Variants in LRIG1 observed in about 807,000 individuals in gnomAD.
The protein encoded by LRIG1 is leucine-rich repeats and immunoglobulin-like domains protein 1.
In LRIG1, 48 loss-of-function variants were observed where a neutral mutation model predicts 99.2. That is an observed-to-expected ratio of 0.48 (90% confidence interval 0.38 to 0.62). LRIG1 has a LOEUF of 0.62. Ranked by LOEUF, LRIG1 falls within the 20% of genes least tolerant of loss-of-function variation. The pLI is 0.00. For synonymous variants in LRIG1, 772 were observed against 596.1 expected (o/e 1.29, Z -4.30); for missense variants, 1,646 against 1,434.4 (o/e 1.15, Z -2.38).
intron 9 of LRIG1, among the ~76,000 whole-genome samples, chr3:66,404,794 C>T (rs558772800): frequency 7.9e-5 from 12 of 152,290 alleles, no homozygotes; most frequent in South Asian, 6.2e-4. Flanking sequence ...TGGTTAATGA[C>T]GAAAGTACTG....
rs1700853091 is a variant in LRIG1 at position 66,378,883 on chromosome 3, T to C, written c.*1380A>G. On this transcript the variant is annotated 3_prime_UTR_variant, in exon 19 of 19. Coordinates refer to ENST00000273261, the MANE Select transcript of LRIG1 (RefSeq NM_015541.3). Reference sequence around the variant, plus strand: ...ATTTTACATGGTTTTCAATGTACACTGTACCAAAATTTCTATAAATAAATA... The same window carrying C: ...ATTTTACATGGTTTTCAATGTACACCGTACCAAAATTTCTATAAATAAATA... 6.5e-6 allele frequency: 1 copy of C among 152,680 alleles called. No individual in the cohort carries two copies. The highest frequency in any genetic ancestry group is 6.5e-5 in the Admixed American group (1 of 15,292). The allele number at this position is 152,680 out of a possible 1,614,324, so 9.5% of individuals were successfully genotyped here.
At chr3:66,396,056 G>A (rs1575657286) in intron 11 of LRIG1, among the ~76,000 whole-genome samples, 2 of 152,264 alleles carry the variant, frequency 1.3e-5, no homozygotes, top group South Asian at 4.1e-4. Flanking sequence ...GACACATGTA[G>A]AAAGGGCTAA....
intron 17 of LRIG1, among the ~76,000 whole-genome samples, chr3:66,381,200 G>A (rs1701038811): frequency 6.6e-6 from 1 of 152,192 alleles, no homozygotes; most frequent in Admixed American, 6.5e-5. Context: ...GTGAAAAAGT[G>A]CTGACTGAAA....
chr3:66,473,669 A>C (rs960234653), intron 1 of LRIG1, among the ~76,000 whole-genome samples: 1 of 152,340 alleles, frequency 6.6e-6, no homozygotes, highest in Middle Eastern at 3.4e-3. Context: ...AAATCAGCCA[A>C]ATTAGAAAAG....
intron 3 of LRIG1, among the ~76,000 whole-genome samples, chr3:66,427,585 C>T (rs936499752): frequency 6.6e-6 from 1 of 152,196 alleles, no homozygotes; most frequent in African/African-American, 2.4e-5. Flanking sequence ...GGACTGCTTG[C>T]GGCCAGGAGT....
intron 5 of LRIG1, among the ~76,000 whole-genome samples, chr3:66,413,551 T>C (rs1702534005): frequency 6.6e-6 from 1 of 152,084 alleles, no homozygotes; most frequent in Admixed American, 6.5e-5. Context: ...CAGGGGGAGA[T>C]GGGGTAGAGA....
chr3:66,382,908 G>T, intron 15 of LRIG1, 74 bp downstream of exon 15: 1 of 1,405,746 alleles, frequency 7.1e-7, no homozygotes. Flanking sequence ...AAAGCCACTG[G>T]AACCCGGCCC....
chr3:66,394,943 T>G (rs1174558971), intron 11 of LRIG1, among the ~76,000 whole-genome samples: 1 of 152,228 alleles, frequency 6.6e-6, no homozygotes, highest in African/African-American at 2.4e-5. Context: ...CAACTTTAGC[T>G]TTGTGGGGCT....
At chr3:66,398,837 G>A (rs1413651063) in intron 10 of LRIG1, 133 bp downstream of exon 10, 1 of 718,642 alleles carries the variant, frequency 1.4e-6, no homozygotes, top group African/African-American at 1.8e-5. Context: ...CTGACATAAT[G>A]AGAAGGAAGC....
At chr3:66,417,077 A>C in intron 4 of LRIG1, 52 bp downstream of exon 4, 1 of 1,598,632 alleles carries the variant, frequency 6.3e-7, no homozygotes, top group Non-Finnish European at 8.6e-7. Context: ...TGAAGCTGTT[A>C]GCTGGCTGGA....
At position 66,410,290 on chromosome 3, in the gene LRIG1, C is replaced by G. The variant is rs1192372073; in HGVS notation, c.792-18G>C. 1 of 1,590,688 alleles carries G rather than the reference C, an allele frequency of 6.3e-7. No homozygotes were observed. Among genetic ancestry groups the G allele is most frequent in the Non-Finnish European group, 8.6e-7 (1 of 1,168,778 alleles). On this transcript the variant is annotated intron_variant, in intron 6 of 18. Transcript: ENST00000273261. ...CCAGGTGCCTGCAATGACAGCCATG[C>G]ACAGGATGAAGAGGAGCTTTCACTC...
In LRIG1 at chr3:66,383,981, A is replaced by G. The variant is rs1559766378; in HGVS notation, c.2071+10T>C. 10 of 1,561,254 alleles carry G rather than the reference A, an allele frequency of 6.4e-6. No homozygotes were observed. The highest frequency in any genetic ancestry group is 8.7e-6 in the Non-Finnish European group (10 of 1,152,956). On this transcript the variant is annotated intron_variant, in intron 14 of 18. Transcript: ENST00000273261. The stretch of plus-strand genomic sequence containing the variant: ...ACACACACACACACACAGTAGAGCA[A>G]TAGGCAAACCTAGGACAGTCAGGGT...
At chr3:66,478,405 C>T (rs757557276) in intron 1 of LRIG1, among the ~76,000 whole-genome samples, 2 of 152,146 alleles carry the variant, frequency 1.3e-5, no homozygotes, top group Non-Finnish European at 2.9e-5. Flanking sequence ...GTCCTGGATA[C>T]TATCAAGAAA....
In LRIG1 at chr3:66,384,093, A is replaced by C. The variant is rs1043662890; in HGVS notation, c.1969T>G (p.Phe657Val). The C allele has an allele frequency of 1.9e-6, 3 of 1,614,142 alleles. No individual in the cohort carries two copies. The highest frequency in any genetic ancestry group is 2.5e-6 in the Non-Finnish European group (3 of 1,180,036). Residue 657 changes from phenylalanine to valine, a missense_variant, in exon 14 of 19, where the codon TTT becomes GTT. Coordinates refer to ENST00000273261, the MANE Select transcript of LRIG1 (RefSeq NM_015541.3). ...TCTATTTTCACATCAGTGATGAAAA[A>C]CACGTCGTCATCCGGCATGACATGC... is the stretch of plus-strand genomic sequence containing the variant. ...RMHVMPDDDVFFITDVKIDDA... is the reference protein window; with the variant it reads ...RMHVMPDDDVVFITDVKIDDA...
At chr3:66,436,005 C>T (rs28661499) in intron 3 of LRIG1, among the ~76,000 whole-genome samples, 36,677 of 152,090 alleles carry the variant, frequency 0.24, 5,530 homozygotes, top group East Asian at 0.68. Flanking sequence ...CACCAACTAC[C>T]ACTGGGCTCT....
At chr3:66,395,651 G>GT (rs1449613911) in intron 11 of LRIG1, among the ~76,000 whole-genome samples, 1 of 152,244 alleles carries the variant, frequency 6.6e-6, no homozygotes, top group Non-Finnish European at 1.5e-5. Context: ...TCTGCTGAGA[G>GT]CCATCTGGAG....
intron 1 of LRIG1, among the ~76,000 whole-genome samples, chr3:66,478,665 G>C (rs190761446): frequency 1.9e-4 from 29 of 152,228 alleles, no homozygotes; most frequent in African/African-American, 6.0e-4. Flanking sequence ...TATCTCACTT[G>C]TCTATAGGCA....
At chr3:66,448,544 G>C (rs923894602) in intron 3 of LRIG1, among the ~76,000 whole-genome samples, 1 of 139,964 alleles carries the variant, frequency 7.1e-6, no homozygotes, top group African/African-American at 2.5e-5. Flanking sequence ...AAGCTTCGAG[G>C]GTACTTCTAC....
Position 66,380,386 on chromosome 3 carries a change from C to T in LRIG1, c.3159G>A (p.Gln1053=). Residue 1053 remains glutamine (Q), a synonymous_variant, in exon 19 of 19, where the codon CAG becomes CAA. Transcript: ENST00000273261. The part of the protein sequence containing the change: ...TSGSPERAEA[Q]YLLVSNGHLP... ...GGTGGCCATTGGAAACAAGCAAGTA[C>T]TGGGCTTCCGCGCGCTCTGGACTGC... 1.2e-6 allele frequency: 2 copies of T among 1,614,172 alleles called. No individual in the cohort carries two copies. Among genetic ancestry groups the T allele is most frequent in the Non-Finnish European group, 1.7e-6 (2 of 1,180,028 alleles).
Sources: gnomAD v4.1 joint callset for allele counts (sites outside exome capture counted in the v4.1 genomes callset) on GRCh38, gnomAD v4.1.1 for gene constraint, MANE v1.5 for transcripts, NCBI Gene and HGNC (gene_info 2026-07-23, HGNC 2026-07-21) for gene names.